The following ACSL6 variants were observed in gnomAD, a reference collection of about 807,000 sequenced individuals.
ACSL6 encodes long-chain-fatty-acid--CoA ligase 6.
Under a neutral mutation model 98.2 loss-of-function variants are expected in ACSL6, and 47 were observed. The ratio of observed to expected loss-of-function variants is 0.48; its 90% CI spans 0.38 to 0.61. The LOEUF (loss-of-function observed/expected upper bound fraction) is 0.61, where lower values mean the gene tolerates loss of function less well. ACSL6 is among the 20% of genes least tolerant of loss of function. ACSL6 has a pLI of 0.00. For synonymous variants in ACSL6, 362 were observed against 336.9 expected (o/e 1.07, Z -0.82); for missense variants, 761 against 913.4 (o/e 0.83, Z 2.15).
Position 132,004,467 on chromosome 5 carries a change from G to A in ACSL6, c.49+7038C>T, listed in dbSNP as rs75141105. On this transcript the variant is annotated intron_variant, in intron 1 of 20. Coordinates refer to ENST00000651883, the MANE Select transcript of ACSL6 (RefSeq NM_001009185.3). ...TGATTTTGAACCAACAGGTGGGTTG[G>A]TGGATGCTCCACAGATCTCCTGAAA... Among the ~76,000 whole-genome samples the A allele has an allele frequency of 3.9e-4, 59 of 152,302 alleles. No individual in the cohort carries two copies. In the East Asian group the frequency reaches 0.01, roughly 27 times the overall value.
At chr5:131,987,698 T>G (rs950263194) in intron 7 of ACSL6, among the ~76,000 whole-genome samples, 10 of 152,354 alleles carry the variant, frequency 6.6e-5, no homozygotes, top group African/African-American at 2.2e-4. Context: ...CCTGGACCTA[T>G]GTCTGTAGTC....
chr5:131,987,002 A>C (rs201518048), intron 7 of ACSL6, 148 bp from the exon 8 acceptor site: 5 of 763,564 alleles, frequency 6.5e-6, no homozygotes, highest in Admixed American at 6.5e-5. Context: ...CACACACACC[A>C]CACACAAAAT....
chr5:131,980,088 G>A (rs1030455920), intron 9 of ACSL6, among the ~76,000 whole-genome samples: 1 of 152,204 alleles, frequency 6.6e-6, no homozygotes, highest in African/African-American at 2.4e-5. Context: ...TTCTCCTGCA[G>A]GGGTGGAAGT....
intron 2 of ACSL6, among the ~76,000 whole-genome samples, chr5:131,991,650 G>A (rs1286290572): frequency 2.0e-5 from 3 of 151,986 alleles, no homozygotes; most frequent in Admixed American, 6.6e-5. Flanking sequence ...TGGTGAGTAG[G>A]GTGAGGAGCC....
Position 131,966,556 on chromosome 5 carries a change from C to G in ACSL6, c.1597-24G>C, listed in dbSNP as rs1753025693. 3 of 1,593,118 alleles carry G rather than the reference C, an allele frequency of 1.9e-6. No homozygotes were observed. The Admixed American group carries it at 5.0e-5, about 27-fold the overall frequency. ...ATCTATGGGACAAAAACCATGGCTT[C>G]TCTCAGCCACATCATGAGGAATCAG... On this transcript the variant is annotated intron_variant, in intron 16 of 20. Coordinates refer to ENST00000651883, the MANE Select transcript of ACSL6 (RefSeq NM_001009185.3).
intron 1 of ACSL6, among the ~76,000 whole-genome samples, chr5:132,005,312 T>C (rs563943971): frequency 2.6e-4 from 40 of 152,362 alleles, no homozygotes; most frequent in African/African-American, 9.6e-4. Flanking sequence ...GCATCAGCTC[T>C]AGTGGCAGGG....
At chr5:131,998,568 G>A (rs1400730455) in intron 1 of ACSL6, among the ~76,000 whole-genome samples, 3 of 152,092 alleles carry the variant, frequency 2.0e-5, no homozygotes, top group African/African-American at 7.2e-5. Context: ...TGTGGAACTG[G>A]CCCTGGGGAC....
At position 131,971,648 on chromosome 5, in the gene ACSL6, G is replaced by A; in HGVS notation, c.1339-3C>T. 2 of 1,598,110 alleles carry A rather than the reference G, an allele frequency of 1.3e-6. No homozygotes were observed. The highest frequency in any genetic ancestry group is 2.7e-5 in the African/African-American group (2 of 74,528). On this transcript the variant is annotated splice_polypyrimidine_tract_variant and splice_region_variant and intron_variant, in intron 13 of 20. Coordinates refer to ENST00000651883, the MANE Select transcript of ACSL6 (RefSeq NM_001009185.3). ...CGCACACACCCACCAAGACTGGCCT[G>A]TGGGAAGAAAGAAGAGCTGCCAAAT...
chr5:131,961,351 G>A (rs988574963), intron 18 of ACSL6, among the ~76,000 whole-genome samples: 13 of 151,590 alleles, frequency 8.6e-5, no homozygotes, highest in East Asian at 2.0e-4. Flanking sequence ...GCATTTCTTT[G>A]AAAATAATTT....
In ACSL6 at chr5:131,988,029, C is replaced by T. The variant is rs1754289899; in HGVS notation, c.831+19G>A. On this transcript the variant is annotated intron_variant, in intron 7 of 20. Transcript: ENST00000651883. ...CAGCCAGCAGTAGCCCAGCAAACCG[C>T]CCAGAAGCAGACCCTCACCTCCACG... 1 of 1,611,042 alleles carries T rather than the reference C, an allele frequency of 6.2e-7. No homozygotes were observed. Among genetic ancestry groups the T allele is most frequent in the South Asian group, 1.1e-5 (1 of 90,652 alleles).
intron 1 of ACSL6, among the ~76,000 whole-genome samples, chr5:132,008,497 T>G (rs1203622582): frequency 1.3e-5 from 2 of 152,216 alleles, no homozygotes; most frequent in African/African-American, 4.8e-5. Context: ...AAGCCATCCT[T>G]GGACCACATC....
At chr5:132,011,687 G>T, upstream of ACSL6, 1 of 1,269,080 alleles carries the variant, frequency 7.9e-7, no homozygotes, top group Non-Finnish European at 9.9e-7. This position sits in a 1 kb window ranked among gnomAD's most constrained non-coding sequence, Gnocchi z 5.4. Flanking sequence ...CCGCCCTCCG[G>T]CCCCGCAGCT....
intron 20 of ACSL6, among the ~76,000 whole-genome samples, chr5:131,955,905 CA>C (rs1752376521): frequency 6.6e-6 from 1 of 152,182 alleles, no homozygotes; most frequent in South Asian, 2.1e-4. Context: ...CTTAACTTTT[CA>C]AAAAAATTTC....
chr5:131,975,606 C>A (rs1441906844), intron 10 of ACSL6: 2 of 912,366 alleles, frequency 2.2e-6, no homozygotes, highest in East Asian at 2.3e-4. Flanking sequence ...ACAAGCCATC[C>A]CTGGAACCAG....
At position 131,950,895 on chromosome 5, in the gene ACSL6, A is replaced by C. The variant is rs1360830406; in HGVS notation, c.*3339T>G. The C allele has an allele frequency of 5.3e-6, 1 of 189,520 alleles. No homozygotes were observed. Among genetic ancestry groups the C allele is most frequent in the Non-Finnish European group, 1.1e-5 (1 of 90,214 alleles). The allele number at this position is 189,520 out of a possible 1,614,324, so 11.7% of individuals were successfully genotyped here. A position where few individuals can be genotyped will look rare whatever the true frequency, so the allele number is the denominator to read the frequency against. ...TGTAGTTTTAACTACATGTAGAATG[A>C]AAGCATGACTTGCATAAATGAAGGA... On this transcript the variant is annotated 3_prime_UTR_variant, in exon 21 of 21. Transcript: ENST00000651883.
In ACSL6 at chr5:132,011,655, C is replaced by A; in HGVS notation, c.-102G>T. ...CCAGCAGTAGCCGCGCCGCCGCCGCCGCTGCCGGGTATTTTTAGCCCCCGC... is the reference window on the plus strand; with the variant it reads ...CCAGCAGTAGCCGCGCCGCCGCCGCAGCTGCCGGGTATTTTTAGCCCCCGC... On this transcript the variant is annotated 5_prime_UTR_variant, in exon 1 of 21. Coordinates refer to ENST00000651883, the MANE Select transcript of ACSL6 (RefSeq NM_001009185.3). The surrounding 1 kb of genome is among the most constrained non-coding windows in gnomAD (Gnocchi z 5.4). 7.9e-7 allele frequency: 1 copy of A among 1,259,344 alleles called. No homozygotes were observed. Among genetic ancestry groups the A allele is most frequent in the Non-Finnish European group, 1.0e-6 (1 of 999,854 alleles). 78.0% of individuals were successfully genotyped at this position (1,259,344 alleles called of 1,614,324 possible). A position where few individuals can be genotyped will look rare whatever the true frequency, so the allele number is the denominator to read the frequency against.
chr5:131,993,331 C>G (rs1754624713), intron 2 of ACSL6: 1 of 153,576 alleles, frequency 6.5e-6, no homozygotes, highest in South Asian at 2.1e-4. Flanking sequence ...CTGCTCACGG[C>G]CAGGACAGAG....
At chr5:131,996,660 C>T (rs995060660) in intron 1 of ACSL6, among the ~76,000 whole-genome samples, 2 of 152,220 alleles carry the variant, frequency 1.3e-5, no homozygotes, top group South Asian at 2.1e-4. Flanking sequence ...CTGAGCTTTG[C>T]ATATTGTGGC....
intron 1 of ACSL6, among the ~76,000 whole-genome samples, chr5:132,001,188 G>T (rs1755067441): frequency 6.6e-6 from 1 of 152,198 alleles, no homozygotes; most frequent in Non-Finnish European, 1.5e-5. Context: ...AGGAAATCCA[G>T]TGGTCTGTGG....
Sources: gnomAD v4.1 joint callset for allele counts (sites outside exome capture counted in the v4.1 genomes callset) on GRCh38, gnomAD v4.1.1 for gene constraint, Gnocchi (gnomAD v3.1) non-coding constraint, MANE v1.5 for transcripts, NCBI Gene and HGNC (gene_info 2026-07-23, HGNC 2026-07-21) for gene names.